The following ERBB4 variants were observed in gnomAD, a reference collection of about 807,000 sequenced individuals.
ERBB4 encodes the protein erb-b2 receptor tyrosine kinase 4.
ERBB4 carries 42 observed loss-of-function variants against 158.0 expected under a neutral mutation model. The observed-to-expected ratio is 0.27, with a 90% CI of 0.21 to 0.34. ERBB4 has a LOEUF of 0.34. Among genes scored for constraint, ERBB4 ranks in the 10% least tolerant of loss-of-function variants. The pLI is 1.00. For missense variants in ERBB4, 1,333 were observed against 1,624.1 expected (o/e 0.82, Z 3.08); for synonymous variants, 583 against 558.7 (o/e 1.04, Z -0.61).
intron 20 of ERBB4, among the ~76,000 whole-genome samples, chr2:211,542,015 T>A (rs748192550): frequency 3.3e-5 from 5 of 151,824 alleles, no homozygotes; most frequent in Non-Finnish European, 7.4e-5. Flanking sequence ...ATTTTTTTTA[T>A]TGTTATTGAT....
At chr2:211,978,299 C>T (rs1055540681) in intron 2 of ERBB4, among the ~76,000 whole-genome samples, 18 of 152,076 alleles carry the variant, frequency 1.2e-4, no homozygotes, top group Non-Finnish European at 2.2e-4. Context: ...CCCTAGCAAA[C>T]AGCCAAACAC....
chr2:212,175,615 T>TTA (rs1313402903), intron 1 of ERBB4, among the ~76,000 whole-genome samples: 4 of 151,830 alleles, frequency 2.6e-5, no homozygotes, highest in African/African-American at 9.7e-5. Flanking sequence ...GTATTTTTTT[T>TTA]TTTTTTTCTG....
intron 1 of ERBB4, among the ~76,000 whole-genome samples, chr2:212,519,613 A>G (rs1692036444): frequency 2.6e-5 from 4 of 151,940 alleles, no homozygotes; most frequent in Admixed American, 2.6e-4. Flanking sequence ...CATTAAGAAA[A>G]TAATGAAATT....
chr2:212,438,965 A>C (rs1465368081), intron 1 of ERBB4, among the ~76,000 whole-genome samples: 1 of 152,176 alleles, frequency 6.6e-6, no homozygotes, highest in Non-Finnish European at 1.5e-5. Context: ...TAGCATACCA[A>C]ACCAGTGAGA....
intron 2 of ERBB4, among the ~76,000 whole-genome samples, chr2:212,033,105 G>A (rs1021796844): frequency 6.6e-6 from 1 of 151,908 alleles, no homozygotes; most frequent in African/African-American, 2.4e-5. Context: ...ACACGGCAGG[G>A]AGAAATGATA....
intron 1 of ERBB4, among the ~76,000 whole-genome samples, chr2:212,307,758 A>G (rs2086867289): frequency 6.6e-6 from 1 of 151,228 alleles, no homozygotes; most frequent in Non-Finnish European, 1.5e-5. Context: ...GATTTCATGT[A>G]GTTGCTTTAA....
At chr2:212,392,000 C>G (rs1309127862) in intron 1 of ERBB4, among the ~76,000 whole-genome samples, 1 of 151,346 alleles carries the variant, frequency 6.6e-6, no homozygotes, top group Non-Finnish European at 1.5e-5. Flanking sequence ...TTTAGGATGA[C>G]TGAATAGAAC....
chr2:212,514,822 T>G (rs1377474666), intron 1 of ERBB4, among the ~76,000 whole-genome samples: 1 of 151,978 alleles, frequency 6.6e-6, no homozygotes, highest in Non-Finnish European at 1.5e-5. Flanking sequence ...AGTCAATCAA[T>G]TCATTGCTAC....
At chr2:211,421,836 A>T (rs899377180) in intron 24 of ERBB4, among the ~76,000 whole-genome samples, 171 bp downstream of exon 24, 5 of 151,998 alleles carry the variant, frequency 3.3e-5, no homozygotes, top group Admixed American at 2.0e-4. Context: ...TAAAAGGTGG[A>T]TCTGACGTGA....
intron 4 of ERBB4, among the ~76,000 whole-genome samples, chr2:211,772,018 G>A (rs2075703111): frequency 6.6e-6 from 1 of 151,962 alleles, no homozygotes; most frequent in African/African-American, 2.4e-5. Flanking sequence ...TTAAAACAAA[G>A]GTAATATATA....
At chr2:212,378,823 C>T (rs1367361709) in intron 1 of ERBB4, among the ~76,000 whole-genome samples, 1 of 151,770 alleles carries the variant, frequency 6.6e-6, no homozygotes, top group Non-Finnish European at 1.5e-5. Flanking sequence ...AACTTCTGCA[C>T]AGACATGCAG....
chr2:211,606,650 T>C (rs2068988474), intron 19 of ERBB4, among the ~76,000 whole-genome samples: 1 of 152,146 alleles, frequency 6.6e-6, no homozygotes, highest in Non-Finnish European at 1.5e-5. Flanking sequence ...AATATATTCA[T>C]ACCCATAAAC....
At position 211,438,427 on chromosome 2, in the gene ERBB4, T is replaced by C. The variant is rs1202570534; in HGVS notation, c.2488-7327A>G. Among the ~76,000 whole-genome samples the C allele has an allele frequency of 2.0e-5, 3 of 152,152 alleles. No individual in the cohort carries two copies. In the East Asian group the frequency reaches 5.8e-4, roughly 29 times the overall value. ...AAACACTGGCTACTTAGTAGCTATGTGATTTTGGTCAATTTATACAACATT... is the reference window on the plus strand; with the variant it reads ...AAACACTGGCTACTTAGTAGCTATGCGATTTTGGTCAATTTATACAACATT... On this transcript the variant is annotated intron_variant, in intron 20 of 27. Coordinates refer to ENST00000342788, the MANE Select transcript of ERBB4 (RefSeq NM_005235.3).
chr2:212,121,263 G>A (rs370524984), intron 2 of ERBB4, among the ~76,000 whole-genome samples: 4 of 152,146 alleles, frequency 2.6e-5, no homozygotes, highest in Admixed American at 2.0e-4. Flanking sequence ...ACGGAGTCTC[G>A]CTGTGTTGCA....
chr2:212,009,285 A>C lies in ERBB4; in HGVS notation c.235-61669T>G, dbSNP rs1195479425. Among the ~76,000 whole-genome samples, 4 of 151,924 alleles carry C rather than the reference A, an allele frequency of 2.6e-5. No individual in the cohort carries two copies. In the East Asian group the frequency reaches 5.8e-4, roughly 22 times the overall value. Reference sequence around the variant, plus strand: ...TCCCAGATTATTCAGGCAGGCCCTAAATCCAAAAACAGGTGTCCTTATGAG... The same window carrying C: ...TCCCAGATTATTCAGGCAGGCCCTACATCCAAAAACAGGTGTCCTTATGAG... On this transcript the variant is annotated intron_variant, in intron 2 of 27. Coordinates refer to ENST00000342788, the MANE Select transcript of ERBB4 (RefSeq NM_005235.3).
chr2:212,379,785 C>CT (rs2090443038), intron 1 of ERBB4, among the ~76,000 whole-genome samples: 1 of 150,838 alleles, frequency 6.6e-6, no homozygotes, highest in Admixed American at 6.6e-5. Flanking sequence ...ATATATTTTT[C>CT]TTTTCTCTCT....
intron 2 of ERBB4, among the ~76,000 whole-genome samples, chr2:212,016,013 A>G (rs1420103168): frequency 1.3e-5 from 2 of 149,510 alleles, no homozygotes; most frequent in African/African-American, 5.0e-5. Context: ...TTTATAGCGT[A>G]GGACTACTGA....
intron 1 of ERBB4, among the ~76,000 whole-genome samples, chr2:212,177,604 TA>T (rs2081712321): frequency 6.6e-6 from 1 of 151,864 alleles, no homozygotes; most frequent in Non-Finnish European, 1.5e-5. Context: ...GTTCACTTTT[TA>T]AAAACATTTT....
intron 9 of ERBB4, among the ~76,000 whole-genome samples, chr2:211,711,486 C>A (rs978926830): frequency 2.0e-5 from 3 of 152,118 alleles, no homozygotes; most frequent in Admixed American, 2.0e-4. Flanking sequence ...AGATAAATCA[C>A]GTTGCAATTT....
Sources: gnomAD v4.1 joint callset for allele counts (sites outside exome capture counted in the v4.1 genomes callset) on GRCh38, gnomAD v4.1.1 for gene constraint, MANE v1.5 for transcripts, NCBI Gene and HGNC (gene_info 2026-07-23, HGNC 2026-07-21) for gene names.